PCDHA9: variants seen among roughly 807,000 people sequenced by gnomAD.
PCDHA9 encodes protocadherin alpha-9.
Under a neutral mutation model 62.0 loss-of-function variants are expected in PCDHA9, and 62 were observed. The ratio of observed to expected loss-of-function variants is 1.00; its 90% CI spans 0.81 to 1.23. The LOEUF (loss-of-function observed/expected upper bound fraction) is 1.23, where lower values mean the gene tolerates loss of function less well. PCDHA9 is among the 50% of genes most tolerant of loss of function. The probability of loss-of-function intolerance (pLI) is 0.00; values close to 1 mark genes in which losing one functional copy is unlikely to be tolerated. For missense variants in PCDHA9, 1,205 were observed against 1,249.8 expected (o/e 0.96, Z 0.54); for synonymous variants, 557 against 567.6 (o/e 0.98, Z 0.27).
intron 1 of PCDHA9, among the ~76,000 whole-genome samples, chr5:140,941,256 T>TTTCTTTCTTTCTTTCA (rs2092982969): frequency 2.2e-5 from 1 of 45,974 alleles, no homozygotes. Flanking sequence ...TCTTTCTTTC[T>TTTCTTTCTTTCTTTCA]CTTTCTTTCT....
chr5:140,858,255 C>A, intron 1 of PCDHA9: 1 of 1,596,962 alleles, frequency 6.3e-7, no homozygotes, highest in Non-Finnish European at 8.6e-7. Context: ...GTGAAGCCCA[C>A]GCTGGTGTGC....
At chr5:140,933,351 T>C (rs2089082227) in intron 1 of PCDHA9, among the ~76,000 whole-genome samples, 1 of 152,024 alleles carries the variant, frequency 6.6e-6, no homozygotes, top group South Asian at 2.1e-4. Flanking sequence ...AAACACTTTA[T>C]TTCTAACCCA....
At chr5:140,985,067 A>C (rs2153836144) in intron 3 of PCDHA9, among the ~76,000 whole-genome samples, 1 of 152,116 alleles carries the variant, frequency 6.6e-6, no homozygotes, top group East Asian at 1.9e-4. Flanking sequence ...CCTCCTGAGT[A>C]GCTGAGACTA....
rs991591970 is a variant in PCDHA9, at chr5:140,855,546, A to G, written c.2394+4657A>G. Reference sequence around the variant, plus strand: ...GAAAGAGAAGTAAGTTAAGTGTCAGAACTTAAATGGAACTAAAGTTGTCAT... The same window carrying G: ...GAAAGAGAAGTAAGTTAAGTGTCAGGACTTAAATGGAACTAAAGTTGTCAT... On this transcript the variant is annotated intron_variant, in intron 1 of 3. Coordinates refer to ENST00000532602, the MANE Select transcript of PCDHA9 (RefSeq NM_031857.2). Among the ~76,000 whole-genome samples the G allele has an allele frequency of 1.2e-4, 18 of 150,024 alleles. 2 individuals carry two copies. The highest frequency in any genetic ancestry group is 1.8e-4 in the Non-Finnish European group (12 of 67,114).
intron 1 of PCDHA9, chr5:140,855,778 TAA>T: frequency 2.5e-6 from 1 of 407,854 alleles, no homozygotes; most frequent in Non-Finnish European, 4.4e-6. Context: ...TAAAAATACG[TAA>T]AAAAAGAATT....
intron 1 of PCDHA9, chr5:140,877,061 T>A (rs2056822485): frequency 3.1e-6 from 5 of 1,612,978 alleles, no homozygotes; most frequent in African/African-American, 1.3e-5. Flanking sequence ...GAGCTGGAGC[T>A]GCTGCAGTTC....
intron 1 of PCDHA9, among the ~76,000 whole-genome samples, chr5:140,924,131 T>C (rs2081690578): frequency 6.6e-6 from 1 of 152,234 alleles, no homozygotes; most frequent in African/African-American, 2.4e-5. Flanking sequence ...CTTAGCAGCA[T>C]TAATTTAAAA....
chr5:140,912,378 T>C (rs1554195314), intron 1 of PCDHA9, among the ~76,000 whole-genome samples: 1 of 152,002 alleles, frequency 6.6e-6, no homozygotes, highest in African/African-American at 2.4e-5. Context: ...GTAAAAGGGA[T>C]TGAGTTCTTA....
chr5:140,930,803 T>C (rs1227085867), intron 1 of PCDHA9, among the ~76,000 whole-genome samples: 2 of 152,222 alleles, frequency 1.3e-5, no homozygotes, highest in Non-Finnish European at 2.9e-5. Context: ...ATCCAGCATA[T>C]AAGATATGCT....
intron 3 of PCDHA9, among the ~76,000 whole-genome samples, chr5:140,989,227 C>T (rs933142074): frequency 2.6e-5 from 4 of 152,162 alleles, no homozygotes; most frequent in African/African-American, 9.7e-5. Flanking sequence ...TTCTTTGTAG[C>T]TGAAGTTTTA....
chr5:140,986,011 T>A (rs1172713730), intron 3 of PCDHA9, among the ~76,000 whole-genome samples: 1 of 152,184 alleles, frequency 6.6e-6, no homozygotes, highest in Non-Finnish European at 1.5e-5. Flanking sequence ...AGTGCTGGGA[T>A]TACAGGCGTG....
In PCDHA9 at chr5:141,010,039, T is replaced by G. The variant is rs2098415843; in HGVS notation, c.*102T>G. ...TCCTTTTTCCTATCTACATGAGCCCTCTTAGAGACCTCAGAAATCTGCAGA... is the reference window on the plus strand; with the variant it reads ...TCCTTTTTCCTATCTACATGAGCCCGCTTAGAGACCTCAGAAATCTGCAGA... On this transcript the variant is annotated 3_prime_UTR_variant, in exon 4 of 4. Coordinates refer to ENST00000532602, the MANE Select transcript of PCDHA9 (RefSeq NM_031857.2). The G allele has an allele frequency of 1.4e-5, 23 of 1,593,158 alleles. No homozygotes were observed. Among genetic ancestry groups the G allele is most frequent in the Non-Finnish European group, 1.8e-5 (21 of 1,170,616 alleles).
chr5:140,968,063 G>A, intron 1 of PCDHA9: 1 of 1,614,096 alleles, frequency 6.2e-7, no homozygotes. Flanking sequence ...AGAGCGGGTG[G>A]CTGTCTACAA....
At chr5:140,947,341 A>C (rs1159995588) in intron 1 of PCDHA9, among the ~76,000 whole-genome samples, 1 of 151,806 alleles carries the variant, frequency 6.6e-6, no homozygotes, top group East Asian at 1.9e-4. Context: ...TGTGGGCTTA[A>C]TTCTGGACTC....
chr5:140,940,499 G>A (rs190058542), intron 1 of PCDHA9, among the ~76,000 whole-genome samples: 23 of 151,756 alleles, frequency 1.5e-4, no homozygotes, highest in African/African-American at 3.9e-4. Context: ...GTCTTGCTCC[G>A]TCGCTCAGGC....
intron 1 of PCDHA9, among the ~76,000 whole-genome samples, chr5:140,945,071 C>A (rs246061): frequency 0.56 from 85,726 of 151,850 alleles, 24,797 homozygotes; most frequent in African/African-American, 0.69. Context: ...CAGACTCCAC[C>A]AAAACACTCT....
chr5:140,875,529 G>T (rs369713851), intron 1 of PCDHA9: 5 of 1,613,994 alleles, frequency 3.1e-6, no homozygotes, highest in Admixed American at 1.7e-5. Context: ...TCTCGCTTCT[G>T]CTCCTTGCAG....
At position 140,928,057 on chromosome 5, in the gene PCDHA9, G is replaced by T. The variant is rs150006101; in HGVS notation, c.2395-50892G>T. 1.4e-4 allele frequency: 234 copies of T among 1,614,060 alleles called. No individual in the cohort carries two copies. Among genetic ancestry groups the T allele is most frequent in the Non-Finnish European group, 1.9e-4 (219 of 1,180,052 alleles). On this transcript the variant is annotated intron_variant, in intron 1 of 3. Transcript: ENST00000532602. ...TAGTGCAGGCCCTTTTCAGCTGACG[G>T]CTTCCTTTGACAACTACTACAGCCT...
chr5:140,856,920 A>T (rs1554149295), intron 1 of PCDHA9: 1 of 1,595,604 alleles, frequency 6.3e-7, no homozygotes, highest in Admixed American at 1.7e-5. Flanking sequence ...ATAAGAAGGA[A>T]ATTTTGGATA....
Sources: allele counts gnomAD v4.1 joint callset (sites outside exome capture counted in the v4.1 genomes callset), GRCh38; gene constraint gnomAD v4.1.1; transcripts MANE v1.5; gene names NCBI Gene and HGNC (gene_info 2026-07-23, HGNC 2026-07-21).